Variants in ADK observed in about 807,000 individuals in gnomAD.
ADK encodes the protein N6,N6-dimethyladenosine kinase.
ADK carries 24 observed loss-of-function variants against 44.7 expected under a neutral mutation model. That is an observed-to-expected ratio of 0.54 (90% CI 0.39 to 0.76). The LOEUF (loss-of-function observed/expected upper bound fraction) is 0.76, where lower values mean the gene tolerates loss of function less well. Among genes scored for constraint, ADK ranks in the 30% least tolerant of loss-of-function variants. ADK has a pLI of 0.00. For synonymous variants in ADK, 128 were observed against 142.6 expected (o/e 0.90, Z 0.73); for missense variants, 321 against 425.1 (o/e 0.76, Z 2.15).
At chr10:74,469,807 C>T (rs1028363635) in intron 6 of ADK, among the ~76,000 whole-genome samples, 4 of 152,104 alleles carry the variant, frequency 2.6e-5, no homozygotes, top group Admixed American at 1.3e-4. Flanking sequence ...TTCATACAGC[C>T]CCAGGCAACC....
intron 3 of ADK, among the ~76,000 whole-genome samples, chr10:74,251,589 T>C (rs1845653475): frequency 6.6e-6 from 1 of 152,218 alleles, no homozygotes; most frequent in African/African-American, 2.4e-5. Context: ...ATATTATTAC[T>C]ATCTGGATTT....
At chr10:74,486,266 C>A (rs1847265396) in intron 6 of ADK, among the ~76,000 whole-genome samples, 1 of 152,114 alleles carries the variant, frequency 6.6e-6, no homozygotes, top group Non-Finnish European at 1.5e-5. Flanking sequence ...GTGTGTCTTC[C>A]CCTTCTGCCA....
intron 9 of ADK, among the ~76,000 whole-genome samples, chr10:74,612,406 T>C (rs1230955487): frequency 6.6e-6 from 1 of 152,068 alleles, no homozygotes; most frequent in Non-Finnish European, 1.5e-5. Context: ...CAGACATGAG[T>C]CACCATGCCT....
At position 74,372,617 on chromosome 10, in the gene ADK, AAG is replaced by A. The variant is rs558830202; in HGVS notation, c.274-21522_274-21521del. 5.7e-3 allele frequency among the ~76,000 whole-genome samples: 867 copies of A among 152,316 alleles called. 6 individuals carry two copies. The highest frequency in any genetic ancestry group is 0.014 in the Middle Eastern group (4 of 294). Reference sequence around the variant, plus strand: ...AACAATTTCATTTAAATATCTTAAAAAGAAATAATGTACTTAAGTATAAATAT... The same window carrying A: ...AACAATTTCATTTAAATATCTTAAAAAAATAATGTACTTAAGTATAAATAT... On this transcript the variant is annotated intron_variant, in intron 4 of 10. Transcript: ENST00000539909.
intron 9 of ADK, among the ~76,000 whole-genome samples, chr10:74,616,557 A>G (rs1052305688): frequency 6.6e-6 from 1 of 152,064 alleles, no homozygotes; most frequent in Non-Finnish European, 1.5e-5. Flanking sequence ...GTCTTTTTTT[A>G]GGCTATTTCA....
At chr10:74,697,321 T>G (rs1236725206) in intron 10 of ADK, among the ~76,000 whole-genome samples, 1 of 152,156 alleles carries the variant, frequency 6.6e-6, no homozygotes, top group Non-Finnish European at 1.5e-5. Flanking sequence ...GAAGGATTGC[T>G]TGAGCCCAGG....
chr10:74,569,328 T>C (rs1379757800), intron 7 of ADK, among the ~76,000 whole-genome samples: 2 of 152,162 alleles, frequency 1.3e-5, no homozygotes, highest in African/African-American at 4.8e-5. Flanking sequence ...TATTTCTAGT[T>C]CTAGATCCCT....
intron 1 of ADK, among the ~76,000 whole-genome samples, chr10:74,195,402 A>C (rs944054573): frequency 3.9e-5 from 6 of 152,316 alleles, no homozygotes; most frequent in African/African-American, 1.2e-4. Context: ...TGACATGAGC[A>C]AAGTTTTATT....
chr10:74,241,635 C>T (rs1308135355), intron 3 of ADK, among the ~76,000 whole-genome samples: 2 of 152,188 alleles, frequency 1.3e-5, no homozygotes, highest in African/African-American at 4.8e-5. Context: ...ATCCACCCGC[C>T]TCGGCCTCCC....
chr10:74,674,145 G>A (rs928217013), intron 10 of ADK, among the ~76,000 whole-genome samples: 1 of 151,938 alleles, frequency 6.6e-6, no homozygotes, highest in East Asian at 1.9e-4. Context: ...AGGATGGGGC[G>A]CTCACCAGAG....
At chr10:74,352,541 A>G (rs964526021) in intron 4 of ADK, among the ~76,000 whole-genome samples, 12 of 152,356 alleles carry the variant, frequency 7.9e-5, no homozygotes, top group Middle Eastern at 6.8e-3. Context: ...AAAACACCCA[A>G]TGCAATTGCA....
chr10:74,359,823 T>C (rs1842273195), intron 4 of ADK, among the ~76,000 whole-genome samples: 1 of 152,192 alleles, frequency 6.6e-6, no homozygotes, highest in Non-Finnish European at 1.5e-5. Context: ...CTTTCATCAG[T>C]GTTTTATAAT....
chr10:74,398,563 G>A lies in ADK; in HGVS notation c.539G>A (p.Arg180Lys), dbSNP rs1592151994. The A allele has an allele frequency of 1.9e-6, 3 of 1,604,880 alleles. No homozygotes were observed. In the East Asian group the frequency reaches 6.7e-5, roughly 36 times the overall value. The change falls in exon 6 of 11, where the codon AGA becomes AAA. Residue 180 changes from arginine (R) to lysine (K), a missense_variant. By Grantham distance (26) the Arg-to-Lys change is conservative (BLOSUM62 2). Coordinates refer to ENST00000539909, the MANE Select transcript of ADK (RefSeq NM_006721.4). ...AACTGGATGTTGGTAGAAAAAGCAA[G>A]AGTTTGTTATATAGCAGTAAGTACT... is the stretch of plus-strand genomic sequence containing the variant. The part of the protein sequence containing the change: ...EKNWMLVEKA[R>K]VCYIAGFFLT...
intron 3 of ADK, among the ~76,000 whole-genome samples, chr10:74,253,994 T>C (rs1158041574): frequency 6.6e-6 from 1 of 152,128 alleles, no homozygotes; most frequent in African/African-American, 2.4e-5. Flanking sequence ...CACGAACTGC[T>C]GACCTCAAGT....
intron 6 of ADK, among the ~76,000 whole-genome samples, chr10:74,510,867 C>T (rs1000999650): frequency 1.2e-4 from 18 of 152,114 alleles, no homozygotes; most frequent in African/African-American, 4.3e-4. Flanking sequence ...GCCACCATGC[C>T]TGGCTAATTT....
intron 6 of ADK, among the ~76,000 whole-genome samples, chr10:74,458,146 T>C (rs111491239): frequency 9.4e-6 from 1 of 106,330 alleles, no homozygotes; most frequent in Non-Finnish European, 1.8e-5. Context: ...TTTTTTTTTT[T>C]GGGGGGAGAA....
chr10:74,253,932 A>C (rs564562986), intron 3 of ADK, among the ~76,000 whole-genome samples: 1 of 151,902 alleles, frequency 6.6e-6, no homozygotes, highest in South Asian at 2.1e-4. Context: ...ATGCCTAACA[A>C]ATTTTTGTAT....
At chr10:74,262,410 G>A (rs572570706) in intron 3 of ADK, among the ~76,000 whole-genome samples, 34 of 151,806 alleles carry the variant, frequency 2.2e-4, no homozygotes, top group African/African-American at 8.2e-4. Context: ...AGATATACAT[G>A]GCTTTTATCT....
intron 6 of ADK, among the ~76,000 whole-genome samples, chr10:74,518,378 T>C (rs2133575194): frequency 6.6e-6 from 1 of 152,360 alleles, no homozygotes; most frequent in South Asian, 2.1e-4. Flanking sequence ...TTATTTTTCT[T>C]CTATAAATAG....
Sources: gnomAD v4.1 joint callset for allele counts (sites outside exome capture counted in the v4.1 genomes callset) on GRCh38, gnomAD v4.1.1 for gene constraint, MANE v1.5 for transcripts, NCBI Gene and HGNC (gene_info 2026-07-23, HGNC 2026-07-21) for gene names.